STRIP1: variants seen among roughly 807,000 people sequenced by gnomAD.
The protein encoded by STRIP1 is striatin-interacting protein 1.
STRIP1 carries 63 observed loss-of-function variants against 106.2 expected under a neutral mutation model. The ratio of observed to expected loss-of-function variants is 0.59; its 90% CI spans 0.48 to 0.73. The LOEUF is 0.73. Ranked by LOEUF, STRIP1 falls within the 30% of genes least tolerant of loss-of-function variation. The pLI is 0.00. For missense variants in STRIP1, 857 were observed against 1,074.8 expected (o/e 0.80, Z 2.83); for synonymous variants, 390 against 413.0 (o/e 0.94, Z 0.67).
rs553384998 is a variant in STRIP1, at chr1:110,048,001, A to G, written c.1661+132A>G. On this transcript the variant is annotated intron_variant, in intron 15 of 20. Transcript: ENST00000369795. Reference sequence around the variant, plus strand: ...AAATGTAGGTATTTTTGACCCAAAAAAAGGAAACTACGAGATTAAAGAGTT... The same window carrying G: ...AAATGTAGGTATTTTTGACCCAAAAGAAGGAAACTACGAGATTAAAGAGTT... The G allele has an allele frequency of 3.0e-5, 22 of 739,032 alleles. 1 individual carries two copies. In the South Asian group the frequency reaches 3.9e-4, roughly 13 times the overall value. 45.8% of individuals were successfully genotyped at this position (739,032 alleles called of 1,614,324 possible).
At chr1:110,043,539 C>T (rs1050454347) in intron 9 of STRIP1, 100 bp from the exon 10 acceptor site, 23 of 1,097,664 alleles carry the variant, frequency 2.1e-5, no homozygotes, top group Middle Eastern at 4.1e-4. Context: ...ACTGTTCTTG[C>T]CTCTACTGGA....
chr1:110,049,151 A>G lies in STRIP1; in HGVS notation c.1701A>G (p.Val567=), dbSNP rs1325248366. Residue 567 remains valine (V), a synonymous_variant, in exon 16 of 21, where the codon GTA becomes GTG. Coordinates refer to ENST00000369795, the MANE Select transcript of STRIP1 (RefSeq NM_033088.4). ...VLQSMKLGVD[V]NRHKEVIVKA... is the part of the protein sequence containing the mutation. ...AGAGCATGAAGCTGGGGGTGGATGT[A>G]AACCGCCACAAAGAGGTCATTGTTA... 1 of 1,614,196 alleles carries G rather than the reference A, an allele frequency of 6.2e-7. No individual in the cohort carries two copies. The highest frequency in any genetic ancestry group is 8.5e-7 in the Non-Finnish European group (1 of 1,180,018).
At chr1:110,043,413 G>A in intron 9 of STRIP1, 143 bp downstream of exon 9, 1 of 987,582 alleles carries the variant, frequency 1.0e-6, no homozygotes, top group Non-Finnish European at 1.5e-6. Flanking sequence ...AGGATACTTT[G>A]TCCCCAGCTC....
At position 110,041,622 on chromosome 1, in the gene STRIP1, A is replaced by T; in HGVS notation, c.737A>T (p.Gln246Leu). Residue 246 changes from glutamine to leucine, a missense_variant, in exon 7 of 21, where the codon CAG (glutamine) becomes CTG (leucine). Transcript: ENST00000369795. The stretch of plus-strand genomic sequence containing the variant: ...AAGGCTGAGTGGAGGACCATGCGGC[A>T]GACCTTCAGAGCCGAGCTGGGTAGG... ...GDKAEWRTMR[Q>L]TFRAELGSPL... The T allele has an allele frequency of 6.2e-7, 1 of 1,614,152 alleles. No individual in the cohort carries two copies. Among genetic ancestry groups the T allele is most frequent in the Non-Finnish European group, 8.5e-7 (1 of 1,180,032 alleles).
intron 10 of STRIP1, 99 bp downstream of exon 10, chr1:110,043,955 C>T: frequency 8.8e-7 from 1 of 1,131,468 alleles, no homozygotes; most frequent in Non-Finnish European, 1.3e-6. Context: ...TGGTCCTCTG[C>T]AGGGCAGGCT....
chr1:110,038,759 T>C lies in STRIP1; in HGVS notation c.325+2T>C. On this transcript the variant is annotated splice_donor_variant, in intron 3 of 20. Coordinates refer to ENST00000369795, the MANE Select transcript of STRIP1 (RefSeq NM_033088.4). LOFTEE classifies it high-confidence loss of function. Reference sequence around the variant, plus strand: ...TTGAGGAGGACTTCCGGATCCATGGTGAGATGATTTCCCACACTTCTTGCT... The same window carrying C: ...TTGAGGAGGACTTCCGGATCCATGGCGAGATGATTTCCCACACTTCTTGCT... 1 of 1,613,186 alleles carries C rather than the reference T, an allele frequency of 6.2e-7. No individual in the cohort carries two copies. Among genetic ancestry groups the C allele is most frequent in the Non-Finnish European group, 8.5e-7 (1 of 1,179,226 alleles).
In STRIP1 at chr1:110,051,877, A is replaced by G. The variant is rs143955943; in HGVS notation, c.2256A>G (p.Ala752=). Residue 752 remains alanine (A), a synonymous_variant, in exon 20 of 21, where the codon GCA becomes GCG. Transcript: ENST00000369795. The stretch of plus-strand genomic sequence containing the variant: ...GGCATCGGCTGAACGACGACTGGGC[A>G]TACGGCAATGGTGAGACTCTGCACT... ...KVRHRLNDDW[A]YGNDLDARPW... is the part of the protein sequence containing the mutation. 8.1e-6 allele frequency: 13 copies of G among 1,612,258 alleles called. No individual in the cohort carries two copies. Among genetic ancestry groups the G allele is most frequent in the African/African-American group, 1.3e-5 (1 of 74,990 alleles).
At chr1:110,032,239 G>A (rs333075), upstream of STRIP1, among the ~76,000 whole-genome samples, 148,229 of 152,322 alleles carry the variant, frequency 0.97, 72,234 homozygotes, top group East Asian at 1. Context: ...GTTTTTCCCC[G>A]GGTGATACAG....
In STRIP1 at chr1:110,043,151, C is replaced by T. The variant is rs1326178531; in HGVS notation, c.949C>T (p.Leu317Phe). 6.2e-7 allele frequency: 1 copy of T among 1,614,064 alleles called. No homozygotes were observed. The highest frequency in any genetic ancestry group is 8.5e-7 in the Non-Finnish European group (1 of 1,180,034). Reference protein sequence around the residue: ...MKAEKRSILGLPPLPEDSIKV... With the variant: ...MKAEKRSILGFPPLPEDSIKV... Reference sequence around the variant, plus strand: ...GGCTGAGAAGCGCAGCATCCTGGGCCTCCCCCCGCTTCCTGAGGACAGCAT... The same window carrying T: ...GGCTGAGAAGCGCAGCATCCTGGGCTTCCCCCCGCTTCCTGAGGACAGCAT... Residue 317 changes from leucine (L) to phenylalanine (F), a missense_variant, in exon 9 of 21, where the codon CTC (leucine) becomes TTC (phenylalanine). By Grantham distance (22) the Leu-to-Phe change is conservative (BLOSUM62 0). Around this residue, in one of 2 missense-constraint regions of STRIP1, gnomAD observed 750 missense variants for 989.8 expected, o/e 0.76. Coordinates refer to ENST00000369795, the MANE Select transcript of STRIP1 (RefSeq NM_033088.4).
rs775110249 is a variant in STRIP1 at position 110,051,057 on chromosome 1, A to G, written c.2058A>G (p.Thr686=). ...TGACAAAGTGGAAGCATTCAAGGACAATGGTAAGTGAGTCAGTGTAGTCAG... is the reference window on the plus strand; with the variant it reads ...TGACAAAGTGGAAGCATTCAAGGACGATGGTAAGTGAGTCAGTGTAGTCAG... ...NKLTKWKHSR[T]MMLVVFKSAP... Residue 686 remains threonine, a synonymous_variant, in exon 19 of 21, where the codon ACA becomes ACG. Transcript: ENST00000369795. 8 of 1,594,900 alleles carry G rather than the reference A, an allele frequency of 5.0e-6. No individual in the cohort carries two copies. In the East Asian group the frequency reaches 8.9e-5, roughly 18 times the overall value.
chr1:110,048,100 G>C, intron 15 of STRIP1: 1 of 506,560 alleles, frequency 2.0e-6, no homozygotes. Flanking sequence ...GCAAACTCCT[G>C]AGTGAATTGG....
At chr1:110,034,619 G>A (rs1219912094), upstream of STRIP1, 3 of 1,503,046 alleles carry the variant, frequency 2.0e-6, no homozygotes, top group Admixed American at 2.4e-5. Context: ...AGTTAAGCTG[G>A]GGGTGTGGAG....
In STRIP1 at chr1:110,049,530, ACAT is replaced by A. The variant is rs1413138874; in HGVS notation, c.1863_1865del (p.Ile621del). 2.5e-6 allele frequency: 4 copies of A among 1,613,710 alleles called. No individual in the cohort carries two copies. Among genetic ancestry groups the A allele is most frequent in the African/African-American group, 2.7e-5 (2 of 74,852 alleles). On this transcript the variant is annotated inframe_deletion, in exon 17 of 21. Coordinates refer to ENST00000369795, the MANE Select transcript of STRIP1 (RefSeq NM_033088.4). ...TTGATCCTAAAGTTCTTCAATCAAAACATCATGTCCTACATCACTGCCAAGAAC... is the reference window on the plus strand; with the variant it reads ...TTGATCCTAAAGTTCTTCAATCAAAACATGTCCTACATCACTGCCAAGAAC...
chr1:110,033,305 A>C (rs1241610839), upstream of STRIP1, among the ~76,000 whole-genome samples: 1 of 150,804 alleles, frequency 6.6e-6, no homozygotes, highest in African/African-American at 2.4e-5. Context: ...TTTGGCCAAA[A>C]CTCTAGTCAG....
chr1:110,032,483 A>G (rs1390199149), upstream of STRIP1, among the ~76,000 whole-genome samples: 1 of 152,212 alleles, frequency 6.6e-6, no homozygotes, highest in African/African-American at 2.4e-5. Context: ...ATTTCACAGT[A>G]TAACAACAGA....
In STRIP1 at chr1:110,049,189, C is replaced by T. The variant is rs1222019633; in HGVS notation, c.1739C>T (p.Ala580Val). The T allele has an allele frequency of 1.2e-6, 2 of 1,614,226 alleles. No homozygotes were observed. Among genetic ancestry groups the T allele is most frequent in the Admixed American group, 3.3e-5 (2 of 60,028 alleles). Residue 580 changes from alanine (A) to valine (V), a missense_variant, in exon 16 of 21, where the codon GCT (alanine) becomes GTT (valine). By Grantham distance (64) the Ala-to-Val change is moderately conservative. Coordinates refer to ENST00000369795, the MANE Select transcript of STRIP1 (RefSeq NM_033088.4). ...GAGGTCATTGTTAAGGCCATTTCTG[C>T]TGTCCTGCTGCTGCTGCTCAAGCAC... ...HKEVIVKAIS[A>V]VLLLLLKHFK...
chr1:110,051,808 A>G lies in STRIP1; in HGVS notation c.2187A>G (p.Arg729=). 6.2e-7 allele frequency: 1 copy of G among 1,613,778 alleles called. No individual in the cohort carries two copies. The highest frequency in any genetic ancestry group is 8.5e-7 in the Non-Finnish European group (1 of 1,180,032). ...VQTKYLGRQW[R]KSNMKTMSAI... ...CCAAATACTTGGGGCGGCAGTGGCGAAAGAGCAACATGAAGACCATGTCTG... is the reference window on the plus strand; with the variant it reads ...CCAAATACTTGGGGCGGCAGTGGCGGAAGAGCAACATGAAGACCATGTCTG... The change falls in exon 20 of 21, where the codon CGA becomes CGG. Residue 729 remains arginine (R), a synonymous_variant. Coordinates refer to ENST00000369795, the MANE Select transcript of STRIP1 (RefSeq NM_033088.4).
intron 5 of STRIP1, chr1:110,039,983 A>T (rs2101769066): frequency 9.7e-7 from 1 of 1,030,702 alleles, no homozygotes; most frequent in Admixed American, 2.3e-5. Context: ...TGATAAAGCT[A>T]AGACAGCTCA....
At chr1:110,040,133 C>T (rs1652685009) in intron 5 of STRIP1, among the ~76,000 whole-genome samples, 1 of 152,208 alleles carries the variant, frequency 6.6e-6, no homozygotes, top group Middle Eastern at 3.2e-3. Context: ...CAAACCGTGG[C>T]AGTCCAGTGC....
Sources: gnomAD v4.1 joint callset for allele counts (sites outside exome capture counted in the v4.1 genomes callset) on GRCh38, gnomAD v4.1.1 for gene constraint, gnomAD v4.1.1 regional missense constraint, MANE v1.5 for transcripts, NCBI Gene and HGNC (gene_info 2026-07-23, HGNC 2026-07-21) for gene names.